The following MFAP3L variants were observed in gnomAD, a reference collection of about 807,000 sequenced individuals.
MFAP3L encodes microfibrillar-associated protein 3-like.
In MFAP3L, 5 loss-of-function variants were observed where a neutral mutation model predicts 20.0. The ratio of observed to expected loss-of-function variants is 0.25; its 90% confidence interval spans 0.13 to 0.53. The LOEUF is 0.53. MFAP3L is among the 20% of genes least tolerant of loss of function. The pLI is 0.96. For synonymous variants in MFAP3L, 219 were observed against 213.0 expected (o/e 1.03, Z -0.25); for missense variants, 409 against 527.5 (o/e 0.78, Z 2.20).
intron 2 of MFAP3L, chr4:169,994,308 A>C: frequency 1.0e-6 from 1 of 985,404 alleles, no homozygotes; most frequent in Non-Finnish European, 1.2e-6. Flanking sequence ...CCCCATCCGT[A>C]CCACTTTTTG....
At chr4:170,026,586 G>C (rs1487731602), upstream of MFAP3L, among the ~76,000 whole-genome samples, 6 of 151,680 alleles carry the variant, frequency 4.0e-5, no homozygotes, top group Admixed American at 1.3e-4. Context: ...CCGCGGAGGA[G>C]CCACCGGAGG....
At chr4:170,008,450 T>C (rs929880287) in intron 1 of MFAP3L, among the ~76,000 whole-genome samples, 3 of 152,264 alleles carry the variant, frequency 2.0e-5, no homozygotes, top group African/African-American at 7.2e-5. Context: ...GTATTTATTA[T>C]GTGCCGGGCA....
intron 1 of MFAP3L, among the ~76,000 whole-genome samples, chr4:170,024,106 G>T (rs1229617901): frequency 1.3e-5 from 2 of 152,112 alleles, no homozygotes. Context: ...TTTGTAACAT[G>T]CCTACAAAGT....
upstream of MFAP3L, chr4:170,027,211 C>T (rs1368233231): frequency 6.8e-6 from 1 of 146,748 alleles, no homozygotes; most frequent in Non-Finnish European, 1.5e-5. Context: ...TCTTCTCCTC[C>T]TTATCTCCCT....
In MFAP3L at chr4:169,992,598, T is replaced by C. The variant is rs576714990; in HGVS notation, c.299-289A>G. ...CCCAAGGGCACCGGCTTGGAAGCCG[T>C]AGAACTGAAGATGAACTTGAGTTCC... On this transcript the variant is annotated intron_variant, in intron 2 of 2. Coordinates refer to ENST00000361618, the MANE Select transcript of MFAP3L (RefSeq NM_021647.8). This position sits in a 1 kb window ranked among gnomAD's most constrained non-coding sequence, Gnocchi z 4.3. 6.6e-6 allele frequency among the ~76,000 whole-genome samples: 1 copy of C among 152,328 alleles called. No individual in the cohort carries two copies. The highest frequency in any genetic ancestry group is 1.9e-4 in the East Asian group (1 of 5,182).
chr4:169,997,937 C>T (rs1178340225), intron 2 of MFAP3L, among the ~76,000 whole-genome samples: 1 of 151,808 alleles, frequency 6.6e-6, no homozygotes, highest in Admixed American at 6.6e-5. Flanking sequence ...GCCTATGATC[C>T]ACTCTTAGAC....
intron 2 of MFAP3L, among the ~76,000 whole-genome samples, chr4:169,998,612 C>T (rs1232717837): frequency 1.3e-5 from 2 of 152,090 alleles, no homozygotes; most frequent in African/African-American, 4.8e-5. Context: ...AAAAATTATA[C>T]CCAAATGCTA....
chr4:169,997,438 T>C lies in MFAP3L; in HGVS notation c.299-5129A>G, dbSNP rs576835620. ...ATGTTTGACAAATACTTAATGACTCTAAAACATAATGAACAGCTCTAAATC... is the reference window on the plus strand; with the variant it reads ...ATGTTTGACAAATACTTAATGACTCCAAAACATAATGAACAGCTCTAAATC... On this transcript the variant is annotated intron_variant, in intron 2 of 2. Transcript: ENST00000361618. Among the ~76,000 whole-genome samples, 5 of 152,096 alleles carry C rather than the reference T, an allele frequency of 3.3e-5. No individual in the cohort carries two copies. In the South Asian group the frequency reaches 1.0e-3, roughly 32 times the overall value.
At chr4:169,998,912 C>T (rs1284933683) in intron 2 of MFAP3L, among the ~76,000 whole-genome samples, 1 of 152,128 alleles carries the variant, frequency 6.6e-6, no homozygotes, top group African/African-American at 2.4e-5. Context: ...TTTATTCAAA[C>T]GAGGATTGCG....
chr4:170,013,603 A>ATTTTTATATATTTTATATATTTATATAT (rs1739518627), intron 1 of MFAP3L, among the ~76,000 whole-genome samples: 1 of 152,218 alleles, frequency 6.6e-6, no homozygotes, highest in African/African-American at 2.4e-5. Context: ...GAAAAAAAAT[A>ATTTTTATATATTTTATATATTTATATAT]AAAAGACCAT....
rs909617034 is a variant in MFAP3L at position 169,992,648 on chromosome 4, A to G, written c.299-339T>C. ...CAGAGGCTGCACTCTTAACTACCAA[A>G]CCATATTGTCTAACTCCACATCCTA... is the stretch of plus-strand genomic sequence containing the variant. On this transcript the variant is annotated intron_variant, in intron 2 of 2. Transcript: ENST00000361618. This position sits in a 1 kb window ranked among gnomAD's most constrained non-coding sequence, Gnocchi z 4.3. Among the ~76,000 whole-genome samples the G allele has an allele frequency of 1.3e-5, 2 of 152,168 alleles. No homozygotes were observed. Among genetic ancestry groups the G allele is most frequent in the African/African-American group, 4.8e-5 (2 of 41,452 alleles).
At chr4:169,997,806 T>C in intron 2 of MFAP3L, 1 of 962,808 alleles carries the variant, frequency 1.0e-6, no homozygotes, top group Non-Finnish European at 1.2e-6. Context: ...TTAATTCTTT[T>C]TTTTTTTTTT....
In MFAP3L at chr4:170,005,651, G is replaced by A; in HGVS notation, c.227C>T (p.Pro76Leu). The change falls in exon 2 of 3, where the codon CCA (proline) becomes CTA (leucine). Residue 76 changes from proline to leucine, a missense_variant. Physicochemically the swap from Pro to Leu is moderately conservative, Grantham distance 98 (BLOSUM62 -3). Coordinates refer to ENST00000361618, the MANE Select transcript of MFAP3L (RefSeq NM_021647.8). ...INCSVYGIPD[P>L]QFKWYNSIGK... ...AATGGAATTATACCACTTGAACTGT[G>A]GGTCAGGGATGCCATAAACACTACA... 1 of 1,614,146 alleles carries A rather than the reference G, an allele frequency of 6.2e-7. No individual in the cohort carries two copies. Among genetic ancestry groups the A allele is most frequent in the African/African-American group, 1.3e-5 (1 of 75,032 alleles).
chr4:169,992,195 AC>A lies in MFAP3L; in HGVS notation c.412del (p.Val138Ter). The A allele has an allele frequency of 6.2e-7, 1 of 1,614,108 alleles. No individual in the cohort carries two copies. The highest frequency in any genetic ancestry group is 8.5e-7 in the Non-Finnish European group (1 of 1,180,018). ...SNIYGTVNNTVTLRVIFTSGD... is the reference protein window; with the variant it reads ...SNIYGTVNNTXTLRVIFTSGD... ...AGAAGTGAAGATGACGCGCAAGGTCACCGTGTTGTTCACGGTGCCGTAGATG... is the reference window on the plus strand; with the variant it reads ...AGAAGTGAAGATGACGCGCAAGGTCACGTGTTGTTCACGGTGCCGTAGATG... On this transcript the variant is annotated frameshift_variant, in exon 3 of 3. Coordinates refer to ENST00000361618, the MANE Select transcript of MFAP3L (RefSeq NM_021647.8). LOFTEE classifies it high-confidence loss of function. This position sits in a 1 kb window ranked among gnomAD's most constrained non-coding sequence, Gnocchi z 4.3.
intron 2 of MFAP3L, among the ~76,000 whole-genome samples, chr4:169,995,610 C>G (rs899688308): frequency 1.2e-4 from 19 of 152,154 alleles, no homozygotes; most frequent in Admixed American, 3.9e-4. Context: ...CCATTCGCAT[C>G]GGTCTATAAA....
At chr4:170,000,393 A>G (rs1006385998) in intron 2 of MFAP3L, among the ~76,000 whole-genome samples, 7 of 152,218 alleles carry the variant, frequency 4.6e-5, no homozygotes, top group Non-Finnish European at 7.3e-5. Context: ...AAAACACACT[A>G]TATTAAGAAA....
intron 1 of MFAP3L, among the ~76,000 whole-genome samples, chr4:170,022,836 CT>C (rs915249868): frequency 1.8e-4 from 28 of 152,188 alleles, no homozygotes; most frequent in African/African-American, 6.8e-4. Flanking sequence ...TCCCCTAGGG[CT>C]TCCCAAAGGA....
chr4:169,994,640 T>C, intron 2 of MFAP3L: 1 of 735,600 alleles, frequency 1.4e-6, no homozygotes, highest in South Asian at 6.2e-5. Flanking sequence ...GACAACTACT[T>C]ACAGGCACTT....
At chr4:170,010,812 G>GT (rs1581504651) in intron 1 of MFAP3L, among the ~76,000 whole-genome samples, 2 of 151,952 alleles carry the variant, frequency 1.3e-5, no homozygotes, top group African/African-American at 4.8e-5. Context: ...GCATTGCGGG[G>GT]GGGTGGGTGC....
Sources: allele counts gnomAD v4.1 joint callset (sites outside exome capture counted in the v4.1 genomes callset), GRCh38; gene constraint gnomAD v4.1.1; non-coding constraint Gnocchi (gnomAD v3.1); transcripts MANE v1.5; gene names NCBI Gene and HGNC (gene_info 2026-07-23, HGNC 2026-07-21).